CDYL: variants seen among roughly 807,000 people sequenced by gnomAD.
CDYL encodes chromodomain Y-like protein.
CDYL carries 8 observed loss-of-function variants against 47.3 expected under a neutral mutation model. The observed-to-expected ratio is 0.17, with a 90% CI of 0.10 to 0.31. The LOEUF is 0.31. Ranked by LOEUF, CDYL falls within the 10% of genes least tolerant of loss-of-function variation. The probability of loss-of-function intolerance (pLI) is 1.00; values close to 1 mark genes in which losing one functional copy is unlikely to be tolerated. For missense variants in CDYL, 471 were observed against 701.4 expected (o/e 0.67, Z 3.71); for synonymous variants, 266 against 265.0 (o/e 1.00, Z -0.04).
At chr6:4,722,413 T>A (rs1232219604) in intron 2 of CDYL, among the ~76,000 whole-genome samples, 16 of 151,926 alleles carry the variant, frequency 1.1e-4, no homozygotes, top group Admixed American at 7.9e-4. Context: ...AGAAAAAATT[T>A]AAAAAAACAC....
At chr6:4,916,525 TA>T (rs1227218347) in intron 2 of CDYL, among the ~76,000 whole-genome samples, 1 of 151,806 alleles carries the variant, frequency 6.6e-6, no homozygotes, top group African/African-American at 2.4e-5. Context: ...CACTGTGAGG[TA>T]AATGAAGACC....
intron 2 of CDYL, among the ~76,000 whole-genome samples, chr6:4,922,797 A>C (rs957079848): frequency 2.0e-5 from 3 of 152,168 alleles, no homozygotes; most frequent in Non-Finnish European, 4.4e-5. Flanking sequence ...TGGGCCTCGA[A>C]TGTGCAACAT....
In CDYL at chr6:4,760,544, G is replaced by A. The variant is rs116045676; in HGVS notation, c.186+25700G>A. On this transcript the variant is annotated intron_variant, in intron 3 of 8. Transcript: ENST00000328908. ...GTTTGCCTCATTTAGAGGAATATTC[G>A]TGGAGTTGGTGATGAATAGAGAAAG... is the stretch of plus-strand genomic sequence containing the variant. Among the ~76,000 whole-genome samples, 1,378 of 152,208 alleles carry A rather than the reference G, an allele frequency of 9.1e-3. 19 individuals are homozygous for A. The highest frequency in any genetic ancestry group is 0.031 in the African/African-American group (1,300 of 41,536).
intron 1 of CDYL, among the ~76,000 whole-genome samples, chr6:4,853,835 G>A (rs73717736): frequency 0.018 from 2,783 of 152,328 alleles, 51 homozygotes; most frequent in African/African-American, 0.049. Context: ...GCACACCTGC[G>A]TGTGCAGAAC....
intron 5 of CDYL, among the ~76,000 whole-genome samples, chr6:4,949,364 A>C (rs537456189): frequency 5.9e-5 from 9 of 152,366 alleles, no homozygotes; most frequent in African/African-American, 1.7e-4. Flanking sequence ...CTGAGGGAGC[A>C]GGTGGTAAAA....
intron 3 of CDYL, among the ~76,000 whole-genome samples, chr6:4,746,117 G>A (rs1250228846): frequency 6.6e-6 from 1 of 151,998 alleles, no homozygotes; most frequent in East Asian, 1.9e-4. Flanking sequence ...TGTAATCCCA[G>A]CACTTTGGGA....
chr6:4,922,897 A>G (rs1006921869), intron 2 of CDYL, among the ~76,000 whole-genome samples: 1 of 152,182 alleles, frequency 6.6e-6, no homozygotes, highest in African/African-American at 2.4e-5. Flanking sequence ...AGCTCCACCC[A>G]GAGTCCTCGG....
chr6:4,708,795 G>C (rs377411237), intron 1 of CDYL, among the ~76,000 whole-genome samples: 23 of 152,232 alleles, frequency 1.5e-4, no homozygotes, highest in African/African-American at 4.6e-4. Context: ...AAGATGGGTG[G>C]ATCACCTGAG....
intron 1 of CDYL, among the ~76,000 whole-genome samples, chr6:4,874,885 G>A (rs1761576934): frequency 6.6e-6 from 1 of 152,066 alleles, no homozygotes; most frequent in Admixed American, 6.6e-5. Context: ...TGTTGTCGTG[G>A]GATGGTGAGC....
intron 3 of CDYL, among the ~76,000 whole-genome samples, chr6:4,769,034 A>G (rs941139521): frequency 3.3e-5 from 5 of 152,238 alleles, no homozygotes; most frequent in Non-Finnish European, 7.3e-5. Context: ...CATCAAAAAC[A>G]AGAAAAGCCT....
intron 1 of CDYL, among the ~76,000 whole-genome samples, chr6:4,784,810 G>C (rs1758709808): frequency 6.6e-6 from 1 of 152,154 alleles, no homozygotes; most frequent in African/African-American, 2.4e-5. Context: ...GGGACCCTGT[G>C]GGAGGTAGTT....
chr6:4,889,845 C>G, intron 1 of CDYL: 1 of 409,282 alleles, frequency 2.4e-6, no homozygotes, highest in Non-Finnish European at 3.3e-6. Context: ...TGCCTAAAAA[C>G]GGAGCACACA....
chr6:4,944,858 G>A (rs551107228), intron 5 of CDYL, among the ~76,000 whole-genome samples: 1 of 152,224 alleles, frequency 6.6e-6, no homozygotes, highest in Admixed American at 6.5e-5. Context: ...CGAGTGGTCA[G>A]AGTTCACAGA....
chr6:4,888,005 A>G (rs1442926850), intron 1 of CDYL, among the ~76,000 whole-genome samples: 2 of 151,554 alleles, frequency 1.3e-5, no homozygotes, highest in African/African-American at 4.9e-5. Context: ...ATGTTAATTG[A>G]CTTTCACATA....
At chr6:4,950,199 A>C (rs1447499451) in intron 5 of CDYL, among the ~76,000 whole-genome samples, 1 of 152,174 alleles carries the variant, frequency 6.6e-6, no homozygotes, top group Admixed American at 6.5e-5. Flanking sequence ...GGAAGAATTG[A>C]CTGGGACAGA....
chr6:4,942,275 C>T (rs1043612250), intron 4 of CDYL, among the ~76,000 whole-genome samples: 5 of 152,138 alleles, frequency 3.3e-5, no homozygotes, highest in African/African-American at 9.7e-5. Context: ...TCCTCACTCT[C>T]CTGTTCATAC....
intron 1 of CDYL, among the ~76,000 whole-genome samples, chr6:4,833,318 A>C (rs1760201179): frequency 6.7e-6 from 1 of 149,536 alleles, no homozygotes; most frequent in East Asian, 1.9e-4. Context: ...TTCTGCCTTC[A>C]TTTCGTTATG....
At chr6:4,755,504 T>C (rs189289748) in intron 3 of CDYL, among the ~76,000 whole-genome samples, 190 of 152,366 alleles carry the variant, frequency 1.2e-3, no homozygotes, top group Non-Finnish European at 2.2e-3. Context: ...TCTTAACAGA[T>C]GACTCTGGGA....
intron 1 of CDYL, among the ~76,000 whole-genome samples, chr6:4,853,206 G>T (rs1423293340): frequency 2.0e-5 from 3 of 152,116 alleles, no homozygotes. Context: ...CAGTAATTCC[G>T]TAGCCATTAC....
Sources: gnomAD v4.1 joint callset for allele counts (sites outside exome capture counted in the v4.1 genomes callset) on GRCh38, gnomAD v4.1.1 for gene constraint, MANE v1.5 for transcripts, NCBI Gene and HGNC (gene_info 2026-07-23, HGNC 2026-07-21) for gene names.